The following GBF1 variants were observed in gnomAD, a reference collection of about 807,000 sequenced individuals.
The protein encoded by GBF1 is Golgi-specific brefeldin A-resistance guanine nucleotide exchange factor 1.
Under a neutral mutation model 210.5 loss-of-function variants are expected in GBF1, and 114 were observed. The ratio of observed to expected loss-of-function variants is 0.54; its 90% CI spans 0.47 to 0.63. The LOEUF (loss-of-function observed/expected upper bound fraction) is 0.63, where lower values mean the gene tolerates loss of function less well. Ranked by LOEUF, GBF1 falls within the 30% of genes least tolerant of loss-of-function variation. The probability of loss-of-function intolerance (pLI) is 0.00; values close to 1 mark genes in which losing one functional copy is unlikely to be tolerated. For missense variants in GBF1, 1,851 were observed against 2,357.7 expected, an observed-to-expected ratio of 0.79 and a Z score of 4.45; for synonymous variants, 850 against 889.2, an observed-to-expected ratio of 0.96 and a Z score of 0.78.
chr10:102,233,397 G>C, the GBF1 span, among the ~76,000 whole-genome samples: 1 of 143,424 alleles, frequency 7.0e-6, no homozygotes, highest in South Asian at 2.1e-4. Context: ...TCCACCTCCA[G>C]GGTTCAAGCT....
chr10:102,371,179 TA>T (rs1177595117), intron 29 of GBF1, among the ~76,000 whole-genome samples: 17 of 152,232 alleles, frequency 1.1e-4, no homozygotes, highest in African/African-American at 4.1e-4. Context: ...TCTCTTTGCT[TA>T]ACTACAAAAA....
At chr10:102,275,273 G>A (rs1188455393) in intron 3 of GBF1, among the ~76,000 whole-genome samples, 2 of 152,194 alleles carry the variant, frequency 1.3e-5, no homozygotes, top group Non-Finnish European at 2.9e-5. Context: ...TTTAGTAGCA[G>A]CCTACTACCT....
At chr10:102,258,083 C>T (rs911464397) in intron 1 of GBF1, among the ~76,000 whole-genome samples, 5 of 151,920 alleles carry the variant, frequency 3.3e-5, no homozygotes, top group East Asian at 1.9e-4. Context: ...CTTCTAAAGA[C>T]CCCCAGGAGA....
chr10:102,323,141 T>C (rs1370782598), intron 3 of GBF1, among the ~76,000 whole-genome samples: 1 of 147,190 alleles, frequency 6.8e-6, no homozygotes, highest in African/African-American at 2.5e-5. Context: ...GTGGCTTCCT[T>C]TGACATGATA....
chr10:102,377,200 C>T lies in GBF1; in HGVS notation c.4494+60C>T, dbSNP rs11816268. 5,560 of 1,438,070 alleles carry T rather than the reference C, an allele frequency of 3.9e-3. 173 individuals are homozygous for T. The African/African-American group carries it at 0.067, about 17-fold the overall frequency. 89.1% of individuals were successfully genotyped at this position (1,438,070 alleles called of 1,614,324 possible). The stretch of plus-strand genomic sequence containing the variant: ...TGCACCTGATACTGGGAGCCTGGGG[C>T]GGCCAGGGAAAGCCAGGGCTGAGGG... On this transcript the variant is annotated intron_variant, in intron 33 of 39. Coordinates refer to ENST00000369983, the MANE Select transcript of GBF1 (RefSeq NM_001377137.1).
At chr10:102,247,828 T>C (rs1167045650) in intron 1 of GBF1, among the ~76,000 whole-genome samples, 3 of 152,198 alleles carry the variant, frequency 2.0e-5, no homozygotes, top group African/African-American at 7.2e-5. Context: ...GTGATGCTCA[T>C]TGGCACAGTG....
chr10:102,327,900 A>G (rs1184233808), intron 3 of GBF1, among the ~76,000 whole-genome samples: 1 of 152,142 alleles, frequency 6.6e-6, no homozygotes, highest in Non-Finnish European at 1.5e-5. Flanking sequence ...GTTTTGTGAA[A>G]TTGTTTTCCA....
intron 29 of GBF1, among the ~76,000 whole-genome samples, chr10:102,374,883 A>G (rs1355591228): frequency 6.6e-6 from 1 of 152,104 alleles, no homozygotes; most frequent in Non-Finnish European, 1.5e-5. Flanking sequence ...AAAAATTTGT[A>G]TTTGAGGCTG....
At chr10:102,378,882 C>T (rs2060669187) in intron 33 of GBF1, among the ~76,000 whole-genome samples, 1 of 151,980 alleles carries the variant, frequency 6.6e-6, no homozygotes, top group Admixed American at 6.6e-5. Flanking sequence ...TGCAGCGAGC[C>T]GTGATTGTGC....
chr10:102,335,985 T>C (rs773839848), intron 3 of GBF1, among the ~76,000 whole-genome samples: 35 of 152,074 alleles, frequency 2.3e-4, no homozygotes, highest in Non-Finnish European at 4.9e-4. Flanking sequence ...AATTTTTATA[T>C]ATATATTTAC....
chr10:102,266,075 A>G (rs1406848454), intron 3 of GBF1, among the ~76,000 whole-genome samples: 1 of 151,996 alleles, frequency 6.6e-6, no homozygotes, highest in Non-Finnish European at 1.5e-5. Flanking sequence ...GTCTCTACTA[A>G]AAAAATACAA....
At position 102,358,440 on chromosome 10, in the gene GBF1, A is replaced by T. The variant is rs2059411430; in HGVS notation, c.788-66A>T. The stretch of plus-strand genomic sequence containing the variant: ...TCTGGGAAACAGAGACCCTAGTACC[A>T]TAGAGGGTTTGTTTTGCCCACAGCC... On this transcript the variant is annotated intron_variant, in intron 9 of 39. Transcript: ENST00000369983. 2.7e-6 allele frequency: 3 copies of T among 1,123,768 alleles called. No individual in the cohort carries two copies. The South Asian group carries it at 3.9e-5, about 14-fold the overall frequency. The allele number at this position is 1,123,768 out of a possible 1,614,324, so 69.6% of individuals were successfully genotyped here. A position where few individuals can be genotyped will look rare whatever the true frequency, so the allele number is the denominator to read the frequency against.
chr10:102,361,307 A>G (rs1331635216), intron 13 of GBF1, 187 bp downstream of exon 13: 8 of 576,886 alleles, frequency 1.4e-5, no homozygotes, highest in Middle Eastern at 4.4e-4. Flanking sequence ...AAGGAGACCA[A>G]AGGAAACTGG....
chr10:102,329,532 C>T (rs1434262607), intron 3 of GBF1, among the ~76,000 whole-genome samples: 1 of 152,102 alleles, frequency 6.6e-6, no homozygotes. Flanking sequence ...GGCACAATCT[C>T]GGCTCACTGC....
intron 4 of GBF1, among the ~76,000 whole-genome samples, chr10:102,348,093 C>T (rs913689955): frequency 2.0e-5 from 3 of 152,070 alleles, no homozygotes; most frequent in Non-Finnish European, 4.4e-5. Context: ...TGCACCACCA[C>T]GCCCGGCTAA....
chr10:102,235,970 C>T, the GBF1 span, among the ~76,000 whole-genome samples: 1 of 152,212 alleles, frequency 6.6e-6, no homozygotes, highest in Non-Finnish European at 1.5e-5. Flanking sequence ...CCTTTAGGCT[C>T]TTGCATGGGC....
Position 102,368,302 on chromosome 10 carries a change from C to T in GBF1, c.2727C>T (p.Ala909=), listed in dbSNP as rs780764476. 78 of 1,613,938 alleles carry T rather than the reference C, an allele frequency of 4.8e-5. No individual in the cohort carries two copies. The highest frequency in any genetic ancestry group is 6.5e-5 in the Non-Finnish European group (77 of 1,179,776). ...YVWNVLLHRG[A]TPEGIFLRVP... The stretch of plus-strand genomic sequence containing the variant: ...GGAATGTGCTGCTTCATCGAGGTGC[C>T]ACCCCTGAGGGCATATTCCTGCGTG... Residue 909 remains alanine, a synonymous_variant, in exon 22 of 40, where the codon GCC becomes GCT. Coordinates refer to ENST00000369983, the MANE Select transcript of GBF1 (RefSeq NM_001377137.1).
chr10:102,358,411 G>A lies in GBF1; in HGVS notation c.788-95G>A. On this transcript the variant is annotated intron_variant, in intron 9 of 39. Transcript: ENST00000369983. ...GACCAATATATGCAAAGATAAGCAT[G>A]TAATCTGGGAAACAGAGACCCTAGT... 3.4e-6 allele frequency: 3 copies of A among 894,366 alleles called. 1 individual carries two copies. Among genetic ancestry groups the A allele is most frequent in the Middle Eastern group, 6.7e-4 (2 of 2,980 alleles). 55.4% of individuals were successfully genotyped at this position (894,366 alleles called of 1,614,324 possible). A position where few individuals can be genotyped will look rare whatever the true frequency, so the allele number is the denominator to read the frequency against.
At chr10:102,280,239 G>A (rs566320705) in intron 3 of GBF1, among the ~76,000 whole-genome samples, 1 of 152,238 alleles carries the variant, frequency 6.6e-6, no homozygotes, top group South Asian at 2.1e-4. Context: ...GGAGGCAAGG[G>A]TAGGAGAGAA....
Sources: allele counts gnomAD v4.1 joint callset (sites outside exome capture counted in the v4.1 genomes callset), GRCh38; gene constraint gnomAD v4.1.1; transcripts MANE v1.5; gene names NCBI Gene and HGNC (gene_info 2026-07-23, HGNC 2026-07-21).